The following IL1RAPL2 variants were observed in gnomAD, a reference collection of about 807,000 sequenced individuals.
IL1RAPL2 encodes interleukin 1 receptor accessory protein like 2.
Under a neutral mutation model 44.1 loss-of-function variants are expected in IL1RAPL2, and 3 were observed. The ratio of observed to expected loss-of-function variants is 0.07; its 90% confidence interval spans 0.03 to 0.18. IL1RAPL2 has a LOEUF of 0.18. Ranked by LOEUF, IL1RAPL2 falls within the 10% of genes least tolerant of loss-of-function variation. The probability of loss-of-function intolerance (pLI) is 1.00; values close to 1 mark genes in which losing one functional copy is unlikely to be tolerated. For synonymous variants in IL1RAPL2, 181 were observed against 178.8 expected (o/e 1.01, Z -0.10); for missense variants, 391 against 496.4 (o/e 0.79, Z 2.02).
chrX:105,188,358 T>C (rs1261886568), intron 2 of IL1RAPL2, among the ~76,000 whole-genome samples: 2 of 111,199 alleles, frequency 1.8e-5, no homozygotes, highest in African/African-American at 6.5e-5. Flanking sequence ...ACAGGCACAT[T>C]AGCATTAACA....
chrX:104,569,041 G>A lies in IL1RAPL2; in HGVS notation c.-20+1990G>A, dbSNP rs1346527933. ...AAGGGCTGTGGCATCAAAGGCTCCTGGCTTGCCCACTCTAACCTCAGCTGG... is the reference window on the plus strand; with the variant it reads ...AAGGGCTGTGGCATCAAAGGCTCCTAGCTTGCCCACTCTAACCTCAGCTGG... On this transcript the variant is annotated intron_variant, in intron 1 of 10. Transcript: ENST00000372582. Among the ~76,000 whole-genome samples the A allele has an allele frequency of 2.7e-5, 3 of 112,266 alleles. No individual in the cohort carries two copies. In the East Asian group the frequency reaches 8.4e-4, roughly 31 times the overall value.
chrX:104,874,991 A>G (rs1202876590), intron 2 of IL1RAPL2, among the ~76,000 whole-genome samples: 1 of 111,510 alleles, frequency 9.0e-6, no homozygotes, highest in African/African-American at 3.3e-5. Flanking sequence ...ATCATTTTCT[A>G]TGGTGAATTT....
chrX:104,820,326 C>T (rs1285572715), intron 2 of IL1RAPL2, among the ~76,000 whole-genome samples: 2 of 111,872 alleles, frequency 1.8e-5, no homozygotes, highest in Non-Finnish European at 3.8e-5. Context: ...TTCTAGACTC[C>T]TGTGTATTTG....
intron 6 of IL1RAPL2, among the ~76,000 whole-genome samples, chrX:105,488,587 C>G (rs910715945): frequency 1.8e-5 from 2 of 112,240 alleles, no homozygotes; most frequent in Non-Finnish European, 3.8e-5. Flanking sequence ...AGTAGATAAC[C>G]TGAACAAACA....
rs550952582 is a variant in IL1RAPL2, at chrX:105,004,049, A to T, written c.83-191426A>T. 5.4e-5 allele frequency among the ~76,000 whole-genome samples: 6 copies of T among 111,368 alleles called. No homozygotes were observed. The Admixed American group carries it at 5.8e-4, about 11-fold the overall frequency. On this transcript the variant is annotated intron_variant, in intron 2 of 10. Transcript: ENST00000372582. Reference sequence around the variant, plus strand: ...AAAAATCAGACATGTCACTCCTGAGATTTCCTTTTCCAGGGCTTGAAGAAT... The same window carrying T: ...AAAAATCAGACATGTCACTCCTGAGTTTTCCTTTTCCAGGGCTTGAAGAAT...
intron 6 of IL1RAPL2, among the ~76,000 whole-genome samples, chrX:105,614,833 C>T (rs2037361617): frequency 9.0e-6 from 1 of 111,122 alleles, no homozygotes; most frequent in African/African-American, 3.3e-5. Flanking sequence ...CAAATGGTAT[C>T]ACATCAAGTT....
chrX:104,640,370 T>C (rs1733483533), intron 1 of IL1RAPL2, among the ~76,000 whole-genome samples: 1 of 112,001 alleles, frequency 8.9e-6, no homozygotes, highest in Non-Finnish European at 1.9e-5. Flanking sequence ...TTTGGTAAAG[T>C]TCTCATTCAT....
chrX:105,489,375 C>T (rs770101825), intron 6 of IL1RAPL2, among the ~76,000 whole-genome samples: 1 of 111,717 alleles, frequency 9.0e-6, no homozygotes, highest in Non-Finnish European at 1.9e-5. Context: ...AATATATAAA[C>T]TTATTTTACA....
At chrX:105,078,300 C>G (rs2032343420) in intron 2 of IL1RAPL2, among the ~76,000 whole-genome samples, 1 of 111,852 alleles carries the variant, frequency 8.9e-6, no homozygotes, top group Non-Finnish European at 1.9e-5. Flanking sequence ...GAGGTCCACT[C>G]CAGACCCTGT....
chrX:105,084,308 G>A (rs1217448821), intron 2 of IL1RAPL2, among the ~76,000 whole-genome samples: 1 of 112,824 alleles, frequency 8.9e-6, no homozygotes, highest in Non-Finnish European at 1.9e-5. Flanking sequence ...TGGAAAAGCT[G>A]CAGGCACTCA....
intron 6 of IL1RAPL2, among the ~76,000 whole-genome samples, chrX:105,698,678 A>C (rs1014073442): frequency 8.9e-6 from 1 of 112,303 alleles, no homozygotes; most frequent in African/African-American, 3.2e-5. Context: ...CAGAAGTAGA[A>C]GTGAATGTAA....
chrX:105,135,658 G>A (rs1199750778), intron 2 of IL1RAPL2, among the ~76,000 whole-genome samples: 1 of 111,684 alleles, frequency 9.0e-6, no homozygotes, highest in Non-Finnish European at 1.9e-5. Flanking sequence ...GCACATAAAT[G>A]CTCAAAAATT....
At chrX:105,709,699 C>G (rs1464995804) in intron 6 of IL1RAPL2, among the ~76,000 whole-genome samples, 1 of 111,606 alleles carries the variant, frequency 9.0e-6, no homozygotes, top group Non-Finnish European at 1.9e-5. Context: ...TTTGCCTTGC[C>G]TACATTTGGT....
At chrX:105,507,771 A>G (rs1165336342) in intron 6 of IL1RAPL2, among the ~76,000 whole-genome samples, 1 of 111,983 alleles carries the variant, frequency 8.9e-6, no homozygotes, top group Non-Finnish European at 1.9e-5. Flanking sequence ...GTTAATATTG[A>G]AAAACCACTT....
At chrX:105,659,678 A>C (rs891243199) in intron 6 of IL1RAPL2, among the ~76,000 whole-genome samples, 1 of 108,219 alleles carries the variant, frequency 9.2e-6, no homozygotes, top group African/African-American at 3.4e-5. Context: ...ATAAAATAAA[A>C]AAAAATAAAT....
At chrX:104,657,099 C>T (rs182813217) in intron 1 of IL1RAPL2, among the ~76,000 whole-genome samples, 1 of 111,171 alleles carries the variant, frequency 9.0e-6, no homozygotes, top group African/African-American at 3.3e-5. Flanking sequence ...CTCCTGAATA[C>T]AGCACACTGA....
chrX:105,056,853 G>A (rs1027896054), intron 2 of IL1RAPL2, among the ~76,000 whole-genome samples: 10 of 111,455 alleles, frequency 9.0e-5, no homozygotes, highest in African/African-American at 2.9e-4. Flanking sequence ...AAATTTGGAG[G>A]AAAAAGAGGC....
intron 2 of IL1RAPL2, among the ~76,000 whole-genome samples, chrX:105,174,109 G>C (rs2033451102): frequency 9.0e-6 from 1 of 110,932 alleles, no homozygotes; most frequent in African/African-American, 3.3e-5. Context: ...CACTTCTAGA[G>C]GGAACCCCTG....
intron 2 of IL1RAPL2, among the ~76,000 whole-genome samples, chrX:105,100,774 T>C (rs1382994868): frequency 8.9e-6 from 1 of 111,776 alleles, no homozygotes; most frequent in Non-Finnish European, 1.9e-5. Context: ...CTAGAGAACA[T>C]CTATAAGTGA....
Sources: gnomAD v4.1 joint callset for allele counts (sites outside exome capture counted in the v4.1 genomes callset) on GRCh38, gnomAD v4.1.1 for gene constraint, MANE v1.5 for transcripts, NCBI Gene and HGNC (gene_info 2026-07-23, HGNC 2026-07-21) for gene names.